PEX5L: variants seen among roughly 807,000 people sequenced by gnomAD.
PEX5L encodes the protein PEX5-related protein.
A neutral mutation model predicts 84.0 loss-of-function variants in PEX5L; 30 were observed. That is an observed-to-expected ratio of 0.36 (90% CI 0.27 to 0.48). The LOEUF (loss-of-function observed/expected upper bound fraction) is 0.48. Among genes scored for constraint, PEX5L ranks in the 20% least tolerant of loss-of-function variants. The pLI, the probability that PEX5L is intolerant of heterozygous loss-of-function variation, is 0.99. For missense variants in PEX5L, 533 were observed against 754.6 expected, an observed-to-expected ratio of 0.71 and a Z score of 3.44; for synonymous variants, 270 against 283.1, an observed-to-expected ratio of 0.95 and a Z score of 0.46.
chr3:179,902,685 G>T (rs755130816), intron 2 of PEX5L: 1 of 456,330 alleles, frequency 2.2e-6, no homozygotes, highest in East Asian at 6.9e-5. Flanking sequence ...CCGTTTTGGT[G>T]CATAAAATAC....
At chr3:179,819,173 G>A (rs892664615) in intron 9 of PEX5L, among the ~76,000 whole-genome samples, 5 of 151,992 alleles carry the variant, frequency 3.3e-5, no homozygotes, top group Admixed American at 6.6e-5. Context: ...AGGTAAGAAA[G>A]TTCCACATTT....
At chr3:180,008,777 A>G (rs1384441793) in intron 1 of PEX5L, among the ~76,000 whole-genome samples, 1 of 152,150 alleles carries the variant, frequency 6.6e-6, no homozygotes, top group African/African-American at 2.4e-5. Context: ...CATGGGAAAG[A>G]CTGGCTCCTG....
rs1330158415 is a variant in PEX5L, at chr3:180,026,203, C to G, written c.21+10376G>C. ...TTGAAGAAATCTGAGCCATCAAGACCTAGCCCTCAGTTTCCTCACATGTGA... is the reference window on the plus strand; with the variant it reads ...TTGAAGAAATCTGAGCCATCAAGACGTAGCCCTCAGTTTCCTCACATGTGA... On this transcript the variant is annotated intron_variant, in intron 1 of 14. Coordinates refer to ENST00000467460, the MANE Select transcript of PEX5L (RefSeq NM_016559.3). Among the ~76,000 whole-genome samples the G allele has an allele frequency of 3.4e-5, 5 of 148,376 alleles. No individual in the cohort carries two copies. The South Asian group carries it at 1.1e-3, about 32-fold the overall frequency.
intron 2 of PEX5L, among the ~76,000 whole-genome samples, chr3:179,963,711 CACTG>C (rs1328165415): frequency 6.6e-6 from 1 of 152,124 alleles, no homozygotes; most frequent in Admixed American, 6.6e-5. Flanking sequence ...TGTGTGGTGA[CACTG>C]AGCCCATTTC....
intron 8 of PEX5L, among the ~76,000 whole-genome samples, chr3:179,845,941 G>A (rs1054430135): frequency 5.9e-5 from 9 of 152,258 alleles, no homozygotes; most frequent in Non-Finnish European, 1.0e-4. Context: ...AGGCTGAGAC[G>A]GGCAGATCAC....
At chr3:179,806,832 G>A (rs1308163002) in intron 14 of PEX5L, among the ~76,000 whole-genome samples, 2 of 152,042 alleles carry the variant, frequency 1.3e-5, no homozygotes, top group Admixed American at 6.5e-5. Flanking sequence ...TCACAAAACC[G>A]GTACATGGCA....
intron 1 of PEX5L, among the ~76,000 whole-genome samples, chr3:180,020,740 A>G (rs1790353099): frequency 1.3e-5 from 2 of 152,300 alleles, no homozygotes; most frequent in African/African-American, 4.8e-5. Context: ...AGAATAATTG[A>G]TTTTTTAAAG....
intron 9 of PEX5L, 129 bp from the exon 10 acceptor site, chr3:179,816,133 T>G: frequency 1.2e-6 from 1 of 851,796 alleles, no homozygotes; most frequent in Non-Finnish European, 1.8e-6. Context: ...AGGAACACTT[T>G]TACACTGTTG....
intron 2 of PEX5L, among the ~76,000 whole-genome samples, chr3:179,935,815 T>G (rs1020240636): frequency 2.6e-5 from 4 of 152,186 alleles, no homozygotes; most frequent in African/African-American, 9.7e-5. Flanking sequence ...ATGCTATTCT[T>G]GTGATAGTGA....
At chr3:179,947,637 AT>A (rs982290901) in intron 2 of PEX5L, among the ~76,000 whole-genome samples, 3 of 152,054 alleles carry the variant, frequency 2.0e-5, no homozygotes, top group South Asian at 2.1e-4. Flanking sequence ...AGTAAATAGC[AT>A]TTTTTTAACT....
chr3:179,802,532 CAAAAAAAAAAAA>C (rs369244711), intron 14 of PEX5L, among the ~76,000 whole-genome samples: 1 of 73,890 alleles, frequency 1.4e-5, no homozygotes, highest in African/African-American at 4.2e-5. Flanking sequence ...GAGACTGTCT[CAAAAAAAAAAAA>C]AAAAAAAAAA....
chr3:179,893,329 A>G (rs139611408), intron 3 of PEX5L, among the ~76,000 whole-genome samples: 10 of 152,300 alleles, frequency 6.6e-5, no homozygotes, highest in East Asian at 1.9e-4. Flanking sequence ...CTCAATTTCA[A>G]TGTTTTAAAA....
intron 2 of PEX5L, among the ~76,000 whole-genome samples, chr3:179,904,176 T>G (rs571268273): frequency 6.6e-6 from 1 of 152,350 alleles, no homozygotes; most frequent in African/African-American, 2.4e-5. Flanking sequence ...AGTTGACCCT[T>G]TATGTATTTC....
intron 2 of PEX5L, among the ~76,000 whole-genome samples, chr3:179,926,314 C>T (rs1278165792): frequency 6.6e-6 from 1 of 152,180 alleles, no homozygotes; most frequent in Non-Finnish European, 1.5e-5. Flanking sequence ...TGCCCTCGGA[C>T]CAGCCAGCCA....
At position 179,800,684 on chromosome 3, in the gene PEX5L, C is replaced by G. The variant is rs759917726; in HGVS notation, c.*1144G>C. On this transcript the variant is annotated 3_prime_UTR_variant, in exon 15 of 15. Transcript: ENST00000467460. ...TGAGATTTGGTTTGAAAGTGTTGCT[C>G]TTCTATCACTTAGAATGCAAGGGGA... The G allele has an allele frequency of 3.3e-5, 5 of 152,092 alleles. No homozygotes were observed. Among genetic ancestry groups the G allele is most frequent in the Non-Finnish European group, 5.9e-5 (4 of 68,022 alleles). The allele number at this position is 152,092 out of a possible 1,614,324, so 9.4% of individuals were successfully genotyped here. A position where few individuals can be genotyped will look rare whatever the true frequency, so the allele number is the denominator to read the frequency against.
chr3:179,894,790 A>C (rs1375931688), intron 3 of PEX5L, among the ~76,000 whole-genome samples: 4 of 152,120 alleles, frequency 2.6e-5, no homozygotes, highest in Admixed American at 2.6e-4. Context: ...GTCCCTTAAC[A>C]AGAAGAGACC....
At chr3:179,813,701 G>T (rs1724836813) in intron 10 of PEX5L, among the ~76,000 whole-genome samples, 1 of 123,408 alleles carries the variant, frequency 8.1e-6, no homozygotes, top group Non-Finnish European at 1.6e-5. Context: ...ACGGAGTCCC[G>T]CTGTTTAGCC....
chr3:180,008,838 G>A (rs964320413), intron 1 of PEX5L, among the ~76,000 whole-genome samples: 1 of 152,154 alleles, frequency 6.6e-6, no homozygotes, highest in Non-Finnish European at 1.5e-5. Flanking sequence ...TGGGAATTCT[G>A]GGAGATACAA....
At chr3:179,962,781 A>G (rs533031871) in intron 2 of PEX5L, among the ~76,000 whole-genome samples, 3 of 152,202 alleles carry the variant, frequency 2.0e-5, no homozygotes, top group Non-Finnish European at 4.4e-5. Context: ...GTCTAATTTT[A>G]AGTACTACTG....
Sources: gnomAD v4.1 joint callset for allele counts (sites outside exome capture counted in the v4.1 genomes callset) on GRCh38, gnomAD v4.1.1 for gene constraint, MANE v1.5 for transcripts, NCBI Gene and HGNC (gene_info 2026-07-23, HGNC 2026-07-21) for gene names.